The following SNX24 variants were observed in gnomAD, a reference collection of about 807,000 sequenced individuals.
SNX24 encodes the protein sorting nexin-24.
SNX24 carries 22 observed loss-of-function variants against 28.7 expected under a neutral mutation model. The observed-to-expected ratio is 0.77, with a 90% CI of 0.55 to 1.10. The LOEUF is 1.10. Among genes scored for constraint, SNX24 ranks in the 50% least tolerant of loss-of-function variants. SNX24 has a pLI of 0.00. For synonymous variants in SNX24, 69 were observed against 71.5 expected (o/e 0.96, Z 0.18); for missense variants, 221 against 201.1 (o/e 1.10, Z -0.60).
intron 3 of SNX24, among the ~76,000 whole-genome samples, chr5:122,993,695 CTG>C (rs1347492927): frequency 6.6e-6 from 1 of 152,178 alleles, no homozygotes; most frequent in African/African-American, 2.4e-5. Context: ...AAGTAGAAGA[CTG>C]AGGACTACAA....
intron 2 of SNX24, among the ~76,000 whole-genome samples, chr5:122,944,035 G>A (rs1581780092): frequency 6.6e-6 from 1 of 152,160 alleles, no homozygotes; most frequent in East Asian, 1.9e-4. Flanking sequence ...TTTATATTAG[G>A]AATGTCTTTG....
At chr5:122,986,925 A>C (rs1428195778) in intron 3 of SNX24, among the ~76,000 whole-genome samples, 2 of 152,182 alleles carry the variant, frequency 1.3e-5, no homozygotes, top group Non-Finnish European at 2.9e-5. Context: ...AGAAGAGCAA[A>C]ATAACTAAAG....
At position 122,873,755 on chromosome 5, in the gene SNX24, G is replaced by A. The variant is rs1412538348; in HGVS notation, c.60+28062G>A. 3.3e-5 allele frequency among the ~76,000 whole-genome samples: 5 copies of A among 151,560 alleles called. No homozygotes were observed. The East Asian group carries it at 9.7e-4, about 29-fold the overall frequency. On this transcript the variant is annotated intron_variant, in intron 1 of 6. Coordinates refer to ENST00000261369, the MANE Select transcript of SNX24 (RefSeq NM_014035.4). ...CAGCACTCTCTTTCATCTTTCAAAG[G>A]GAATCTTTTTTTTTTTTTTTTTTTT...
At chr5:122,868,038 C>G (rs75382182) in intron 1 of SNX24, among the ~76,000 whole-genome samples, 1 of 152,350 alleles carries the variant, frequency 6.6e-6, no homozygotes, top group African/African-American at 2.4e-5. Flanking sequence ...CAGAGAGGGA[C>G]AGTGTACTGC....
intron 3 of SNX24, among the ~76,000 whole-genome samples, chr5:122,958,749 G>A (rs560880923): frequency 8.7e-5 from 13 of 149,504 alleles, no homozygotes; most frequent in South Asian, 6.4e-4. Flanking sequence ...TAGTAGAGAC[G>A]GGGTCTTGCT....
At chr5:123,004,241 G>A (rs1053984468) in intron 6 of SNX24, among the ~76,000 whole-genome samples, 1 of 152,142 alleles carries the variant, frequency 6.6e-6, no homozygotes, top group Non-Finnish European at 1.5e-5. Flanking sequence ...AATCAGGAGA[G>A]TACTCTCTTA....
intron 1 of SNX24, among the ~76,000 whole-genome samples, chr5:122,873,270 G>T (rs74604083): frequency 0.035 from 5,373 of 152,186 alleles, 145 homozygotes; most frequent in East Asian, 0.1. Context: ...ACCATACCCA[G>T]TCCAGAGTTT....
chr5:122,862,464 G>A (rs771306767), intron 1 of SNX24, among the ~76,000 whole-genome samples: 1 of 151,726 alleles, frequency 6.6e-6, no homozygotes, highest in East Asian at 1.9e-4. Flanking sequence ...AAAAAAGTAC[G>A]TGGTGGCGGC....
chr5:122,924,703 G>A (rs984371592), intron 1 of SNX24, among the ~76,000 whole-genome samples: 2 of 152,086 alleles, frequency 1.3e-5, no homozygotes, highest in African/African-American at 2.4e-5. Context: ...TATATACCTT[G>A]TCGTATTTAT....
intron 3 of SNX24, among the ~76,000 whole-genome samples, chr5:122,987,504 T>C (rs1258094591): frequency 1.3e-5 from 2 of 152,196 alleles, no homozygotes; most frequent in Non-Finnish European, 1.5e-5. Context: ...GTCTTTTTTG[T>C]ATTCTGTGAT....
At chr5:122,968,431 C>T (rs1760809476) in intron 3 of SNX24, among the ~76,000 whole-genome samples, 1 of 152,086 alleles carries the variant, frequency 6.6e-6, no homozygotes, top group Non-Finnish European at 1.5e-5. Context: ...GGGTCTTTGA[C>T]CTCAAATTGT....
At chr5:123,024,532 C>G (rs932049481) in intron 5 of SNX24, among the ~76,000 whole-genome samples, 1 of 152,176 alleles carries the variant, frequency 6.6e-6, no homozygotes, top group East Asian at 1.9e-4. Flanking sequence ...GTAACCCCAG[C>G]CCCCCACAGT....
At chr5:123,011,715 T>C (rs1762582292), downstream of SNX24, among the ~76,000 whole-genome samples, 1 of 152,186 alleles carries the variant, frequency 6.6e-6, no homozygotes, top group South Asian at 2.1e-4. Flanking sequence ...CTTGTAACTG[T>C]ACATTGCTGG....
At chr5:122,987,961 T>G (rs1761675930) in intron 3 of SNX24, among the ~76,000 whole-genome samples, 2 of 152,322 alleles carry the variant, frequency 1.3e-5, no homozygotes, top group South Asian at 4.1e-4. Context: ...AAAGAGAAGT[T>G]AATCATAATG....
chr5:122,913,024 T>C (rs1043738085), intron 1 of SNX24, among the ~76,000 whole-genome samples: 7 of 152,102 alleles, frequency 4.6e-5, no homozygotes, highest in Non-Finnish European at 1.0e-4. Context: ...GAGCACAGGG[T>C]TGGGGGTAAG....
intron 1 of SNX24, among the ~76,000 whole-genome samples, chr5:122,916,675 T>C (rs552417769): frequency 3.6e-4 from 55 of 152,314 alleles, no homozygotes; most frequent in Non-Finnish European, 6.9e-4. Flanking sequence ...TGACTCACTT[T>C]AAAGGAAGAG....
intron 1 of SNX24, among the ~76,000 whole-genome samples, chr5:122,900,628 G>C (rs1433514363): frequency 6.6e-6 from 1 of 151,974 alleles, no homozygotes; most frequent in East Asian, 1.9e-4. Context: ...AATCAGCCAG[G>C]TATGGTGGCA....
At chr5:122,869,593 C>T (rs1402031537) in intron 1 of SNX24, among the ~76,000 whole-genome samples, 1 of 152,064 alleles carries the variant, frequency 6.6e-6, no homozygotes, top group Admixed American at 6.6e-5. Flanking sequence ...TCTTAAATAC[C>T]AATGATTATG....
rs138558931 is a variant in SNX24 at position 122,990,362 on chromosome 5, A to G, written c.250-9550A>G. ...GGTGTTGGAAGTCTTCATTTAAAAAAATGATGTTAGCCTAGTATACTATGT... is the reference window on the plus strand; with the variant it reads ...GGTGTTGGAAGTCTTCATTTAAAAAGATGATGTTAGCCTAGTATACTATGT... On this transcript the variant is annotated intron_variant, in intron 3 of 6. Coordinates refer to ENST00000261369, the MANE Select transcript of SNX24 (RefSeq NM_014035.4). Among the ~76,000 whole-genome samples the G allele has an allele frequency of 7.2e-4, 110 of 152,378 alleles. 1 individual carries two copies. Among genetic ancestry groups the G allele is most frequent in the African/African-American group, 2.5e-3 (106 of 41,594 alleles).
Sources: gnomAD v4.1 joint callset for allele counts (sites outside exome capture counted in the v4.1 genomes callset) on GRCh38, gnomAD v4.1.1 for gene constraint, MANE v1.5 for transcripts, NCBI Gene and HGNC (gene_info 2026-07-23, HGNC 2026-07-21) for gene names.